Variants in EGFR observed in about 807,000 individuals in gnomAD.
EGFR encodes the protein epidermal growth factor receptor.
Under a neutral mutation model 143.0 loss-of-function variants are expected in EGFR, and 58 were observed. That is an observed-to-expected ratio of 0.41 (90% CI 0.33 to 0.50). The LOEUF is 0.50. Among genes scored for constraint, EGFR ranks in the 20% least tolerant of loss-of-function variants. The pLI is 0.39. For missense variants in EGFR, 1,307 were observed against 1,579.0 expected, an observed-to-expected ratio of 0.83 and a Z score of 2.92; for synonymous variants, 613 against 594.4, an observed-to-expected ratio of 1.03 and a Z score of -0.45.
At chr7:55,168,587 T>C in intron 15 of EGFR, 1 of 1,611,164 alleles carries the variant, frequency 6.2e-7, no homozygotes, top group Non-Finnish European at 8.5e-7. Context: ...TTTCTACAAT[T>C]TCAATTTCTC....
intron 1 of EGFR, among the ~76,000 whole-genome samples, chr7:55,105,262 T>C (rs1792064764): frequency 6.6e-6 from 1 of 152,218 alleles, no homozygotes. Context: ...TACCTTTTGG[T>C]GTGGTTTGTG....
chr7:55,036,953 T>A (rs1279772172), intron 1 of EGFR, among the ~76,000 whole-genome samples: 1 of 152,172 alleles, frequency 6.6e-6, no homozygotes, highest in Admixed American at 6.5e-5. Flanking sequence ...TGGAGCCATA[T>A]TCAGAGCAAC....
chr7:55,104,702 TC>T (rs1293101785), intron 1 of EGFR, among the ~76,000 whole-genome samples: 1 of 152,090 alleles, frequency 6.6e-6, no homozygotes, highest in Admixed American at 6.5e-5. Flanking sequence ...CTGCCCCTCT[TC>T]CCCTCTCTCC....
chr7:55,206,797 A>G lies in EGFR; in HGVS notation c.*1180A>G. On this transcript the variant is annotated 3_prime_UTR_variant, in exon 28 of 28. Transcript: ENST00000275493. ...CCCCCTCCTTACGCTTTGTCACACAAAAAGTGTCTCTGCCTTGAGTCATCT... is the reference window on the plus strand; with the variant it reads ...CCCCCTCCTTACGCTTTGTCACACAGAAAGTGTCTCTGCCTTGAGTCATCT... The G allele has an allele frequency of 4.3e-6, 1 of 233,294 alleles. No individual in the cohort carries two copies. 14.5% of individuals were successfully genotyped at this position (233,294 alleles called of 1,614,324 possible). A position where few individuals can be genotyped will look rare whatever the true frequency, so the allele number is the denominator to read the frequency against.
chr7:55,071,187 T>G (rs1371565608), intron 1 of EGFR, among the ~76,000 whole-genome samples: 1 of 152,242 alleles, frequency 6.6e-6, no homozygotes, highest in Non-Finnish European at 1.5e-5. Context: ...TTGGTGTTAC[T>G]GTTCAAGAGC....
chr7:55,063,639 C>T (rs1483297786), intron 1 of EGFR, among the ~76,000 whole-genome samples: 1 of 152,182 alleles, frequency 6.6e-6, no homozygotes, highest in Non-Finnish European at 1.5e-5. Flanking sequence ...ACAGACAACA[C>T]ACAGCATCAG....
intron 27 of EGFR, chr7:55,203,218 A>G (rs116284341): frequency 9.0e-6 from 2 of 221,876 alleles, no homozygotes; most frequent in Admixed American, 5.7e-5. Context: ...ACACACCTCA[A>G]ATACATACAC....
chr7:55,177,570 G>A (rs545665460), intron 19 of EGFR, among the ~76,000 whole-genome samples: 1 of 152,180 alleles, frequency 6.6e-6, no homozygotes, highest in South Asian at 2.1e-4. Context: ...AAGGCTGGAC[G>A]TACACCTCTC....
intron 1 of EGFR, among the ~76,000 whole-genome samples, chr7:55,126,738 A>C (rs1793543938): frequency 6.6e-6 from 1 of 152,238 alleles, no homozygotes; most frequent in Admixed American, 6.5e-5. Flanking sequence ...TTCTGTTAAT[A>C]GTTTAAGTAC....
chr7:55,144,982 T>C (rs1794681957), intron 3 of EGFR, among the ~76,000 whole-genome samples: 1 of 152,150 alleles, frequency 6.6e-6, no homozygotes, highest in South Asian at 2.1e-4. Flanking sequence ...TCCACTTCCT[T>C]GGTATGATTG....
intron 1 of EGFR, among the ~76,000 whole-genome samples, chr7:55,136,210 C>T (rs1337050902): frequency 1.3e-5 from 2 of 152,186 alleles, no homozygotes; most frequent in Non-Finnish European, 2.9e-5. Flanking sequence ...TAAGTTCATC[C>T]TATAAATGAA....
In EGFR at chr7:55,026,122, T is replaced by G. The variant is rs74832754; in HGVS notation, c.88+6757T>G. On this transcript the variant is annotated intron_variant, in intron 1 of 27. Transcript: ENST00000275493. ...ATCAGTATTTCTGGGGAATGGAGCC[T>G]GGCACACACACATTTCTTAAAGCTC... Among the ~76,000 whole-genome samples the G allele has an allele frequency of 4.8e-3, 728 of 152,322 alleles. 5 individuals carry two copies. Among genetic ancestry groups the G allele is most frequent in the South Asian group, 0.031 (151 of 4,822 alleles).
chr7:55,077,984 G>A (rs557402466), intron 1 of EGFR, among the ~76,000 whole-genome samples: 140 of 152,260 alleles, frequency 9.2e-4, no homozygotes, highest in Non-Finnish European at 1.6e-3. Context: ...GACCGGTGAC[G>A]CCGTGGGTGT....
chr7:55,142,859 G>A (rs953429340), intron 2 of EGFR, among the ~76,000 whole-genome samples: 17 of 152,166 alleles, frequency 1.1e-4, no homozygotes, highest in African/African-American at 3.4e-4. Flanking sequence ...CACGATAGGC[G>A]CTAATGACCC....
intron 1 of EGFR, among the ~76,000 whole-genome samples, chr7:55,060,464 A>G (rs1186796571): frequency 6.6e-6 from 1 of 152,244 alleles, no homozygotes; most frequent in Non-Finnish European, 1.5e-5. Flanking sequence ...CTAAGAAAGT[A>G]TAATGAGGCA....
intron 1 of EGFR, among the ~76,000 whole-genome samples, chr7:55,021,136 A>T (rs1341112765): frequency 6.6e-6 from 1 of 152,196 alleles, no homozygotes; most frequent in Non-Finnish European, 1.5e-5. Flanking sequence ...TATAGGAAAG[A>T]GGGAAAAGGT....
At chr7:55,114,798 ACCG>A (rs1263676202) in intron 1 of EGFR, among the ~76,000 whole-genome samples, 1 of 151,680 alleles carries the variant, frequency 6.6e-6, no homozygotes, top group African/African-American at 2.4e-5. Flanking sequence ...ATATATTGTT[ACCG>A]CCTGTATAAA....
At position 55,146,657 on chromosome 7, in the gene EGFR, T is replaced by C. The variant is rs1794779031; in HGVS notation, c.476T>C (p.Val159Ala). ...RFSNNPALCNVESIQWRDIVS... is the reference protein window; with the variant it reads ...RFSNNPALCNAESIQWRDIVS... The stretch of plus-strand genomic sequence containing the variant: ...AGCAACAACCCTGCCCTGTGCAACG[T>C]GGAGAGCATCCAGTGGCGGGACATA... The change falls in exon 4 of 28, where the codon GTG becomes GCG. Residue 159 changes from valine (V) to alanine (A), a missense_variant. Physicochemically the swap from Val to Ala is moderately conservative, Grantham distance 64 (BLOSUM62 0). Coordinates refer to ENST00000275493, the MANE Select transcript of EGFR (RefSeq NM_005228.5). 1 of 1,614,068 alleles carries C rather than the reference T, an allele frequency of 6.2e-7. No homozygotes were observed. The highest frequency in any genetic ancestry group is 8.5e-7 in the Non-Finnish European group (1 of 1,179,948).
chr7:55,079,229 G>C (rs1178747277), intron 1 of EGFR, among the ~76,000 whole-genome samples: 1 of 152,192 alleles, frequency 6.6e-6, no homozygotes, highest in African/African-American at 2.4e-5. Flanking sequence ...GAAGAGGAGA[G>C]GCCAGGCACG....
Sources: gnomAD v4.1 joint callset for allele counts (sites outside exome capture counted in the v4.1 genomes callset) on GRCh38, gnomAD v4.1.1 for gene constraint, MANE v1.5 for transcripts, NCBI Gene and HGNC (gene_info 2026-07-23, HGNC 2026-07-21) for gene names.